LCOR: variants seen among roughly 807,000 people sequenced by gnomAD.
LCOR encodes ligand-dependent corepressor.
LCOR carries 14 observed loss-of-function variants against 64.4 expected under a neutral mutation model. The observed-to-expected ratio is 0.22, with a 90% CI of 0.14 to 0.34. The LOEUF (loss-of-function observed/expected upper bound fraction) is 0.34, where lower values mean the gene tolerates loss of function less well. Among genes scored for constraint, LCOR ranks in the 10% least tolerant of loss-of-function variants. The pLI, the probability that LCOR is intolerant of heterozygous loss-of-function variation, is 1.00. For missense variants in LCOR, 1,686 were observed against 1,765.3 expected, an observed-to-expected ratio of 0.96 and a Z score of 0.80; for synonymous variants, 643 against 642.5, an observed-to-expected ratio of 1.00 and a Z score of -0.01.
intron 2 of LCOR, among the ~76,000 whole-genome samples, chr10:96,900,262 A>G (rs532234781): frequency 8.5e-5 from 13 of 152,228 alleles, no homozygotes; most frequent in African/African-American, 3.1e-4. Context: ...ATTCCATTGT[A>G]TGGATATACC....
chr10:96,952,858 G>C (rs1847705205), intron 7 of LCOR, among the ~76,000 whole-genome samples: 2 of 152,112 alleles, frequency 1.3e-5, no homozygotes, highest in South Asian at 4.1e-4. Context: ...AAGACATTTA[G>C]ATACCATGTT....
At chr10:96,952,917 T>C (rs1446869361) in intron 7 of LCOR, among the ~76,000 whole-genome samples, 1 of 152,178 alleles carries the variant, frequency 6.6e-6, no homozygotes, top group African/African-American at 2.4e-5. Flanking sequence ...ACTTTAGATA[T>C]GAAAAATAAC....
intron 2 of LCOR, among the ~76,000 whole-genome samples, chr10:96,861,385 G>A (rs1016409533): frequency 3.3e-5 from 5 of 152,112 alleles, no homozygotes; most frequent in African/African-American, 1.2e-4. Flanking sequence ...GTGTGAGTGT[G>A]GGAAAACAAA....
chr10:96,950,555 A>G (rs984189496), intron 6 of LCOR, among the ~76,000 whole-genome samples: 1 of 152,158 alleles, frequency 6.6e-6, no homozygotes, highest in Admixed American at 6.5e-5. Context: ...GGAGGTTAAC[A>G]TAAAATGATA....
At position 96,991,766 on chromosome 10, in the gene LCOR, C is replaced by G. The variant is rs1446811480; in HGVS notation, c.*6632C>G. The G allele has an allele frequency of 6.6e-6, 1 of 152,224 alleles. No homozygotes were observed. Among genetic ancestry groups the G allele is most frequent in the Non-Finnish European group, 1.5e-5 (1 of 68,050 alleles). 9.4% of individuals were successfully genotyped at this position (152,224 alleles called of 1,614,324 possible). ...CAGGGCTCTCCAGCCCAGCCCGAGT[C>G]ACTGCTCGTTCTGAGGAGCCATCCT... On this transcript the variant is annotated 3_prime_UTR_variant, in exon 8 of 8. Transcript: ENST00000421806.
At chr10:96,918,978 T>C (rs976155600) in intron 4 of LCOR, among the ~76,000 whole-genome samples, 6 of 152,382 alleles carry the variant, frequency 3.9e-5, no homozygotes, top group Admixed American at 2.6e-4. Flanking sequence ...TAAGATTTCG[T>C]TATCTCTAGC....
chr10:96,922,336 ATAT>A (rs1375236170), intron 4 of LCOR, among the ~76,000 whole-genome samples: 1 of 152,208 alleles, frequency 6.6e-6, no homozygotes, highest in Non-Finnish European at 1.5e-5. Context: ...TTGGCCACAG[ATAT>A]TATTTTCAAG....
At chr10:96,914,705 T>A (rs1026870181) in intron 4 of LCOR, among the ~76,000 whole-genome samples, 1 of 152,238 alleles carries the variant, frequency 6.6e-6, no homozygotes, top group African/African-American at 2.4e-5. Flanking sequence ...GAATGAAGTC[T>A]TTATCTAATG....
Position 96,991,302 on chromosome 10 carries a change from A to T in LCOR, c.*6168A>T, listed in dbSNP as rs1244445898. 1 of 152,208 alleles carries T rather than the reference A, an allele frequency of 6.6e-6. No homozygotes were observed. Among genetic ancestry groups the T allele is most frequent in the East Asian group, 1.9e-4 (1 of 5,196 alleles). 9.4% of individuals were successfully genotyped at this position (152,208 alleles called of 1,614,324 possible). Reference sequence around the variant, plus strand: ...TAATGCTTTTGCGTTAAGAAAAATTATCCCCCTTTGCCAGTTGTCTACTTG... The same window carrying T: ...TAATGCTTTTGCGTTAAGAAAAATTTTCCCCCTTTGCCAGTTGTCTACTTG... On this transcript the variant is annotated 3_prime_UTR_variant, in exon 8 of 8. Transcript: ENST00000421806.
In LCOR at chr10:96,983,742, A is replaced by G; in HGVS notation, c.3282A>G (p.Glu1094=). The G allele has an allele frequency of 6.2e-7, 1 of 1,614,228 alleles. No individual in the cohort carries two copies. Among genetic ancestry groups the G allele is most frequent in the East Asian group, 2.2e-5 (1 of 44,890 alleles). Residue 1094 remains glutamate, a synonymous_variant, in exon 8 of 8, where the codon GAA becomes GAG. Coordinates refer to ENST00000421806, the MANE Select transcript of LCOR (RefSeq NM_001346516.2). The surrounding 1 kb of genome is among the most constrained non-coding windows in gnomAD (Gnocchi z 4.5). The stretch of plus-strand genomic sequence containing the variant: ...ACGATGTTGACACCGTGGTAGATGA[A>G]CAGCCAAAGTTTATGGAATGGTGTG... ...DEDDVDTVVD[E]QPKFMEWCAE...
At chr10:96,917,011 G>A (rs1846963403) in intron 4 of LCOR, among the ~76,000 whole-genome samples, 2 of 152,208 alleles carry the variant, frequency 1.3e-5, no homozygotes, top group Non-Finnish European at 2.9e-5. Flanking sequence ...CTAAATTGCT[G>A]GGTCTAACCT....
intron 2 of LCOR, among the ~76,000 whole-genome samples, chr10:96,874,897 A>C (rs1361776902): frequency 6.6e-6 from 1 of 151,914 alleles, no homozygotes; most frequent in Admixed American, 6.6e-5. Flanking sequence ...CAGCCTCTTA[A>C]AGTGCTGAGA....
At chr10:96,879,985 G>C (rs1484195303) in intron 2 of LCOR, among the ~76,000 whole-genome samples, 1 of 152,304 alleles carries the variant, frequency 6.6e-6, no homozygotes, top group South Asian at 2.1e-4. Flanking sequence ...TTATGATTCT[G>C]TTTGCATGTC....
chr10:96,981,212 C>T lies in LCOR; in HGVS notation c.752C>T (p.Pro251Leu). The part of the protein sequence containing the change: ...TVVQKDSSEL[P>L]TTKSNSINSS... The stretch of plus-strand genomic sequence containing the variant: ...GTCCAGAAAGATTCCTCTGAACTTC[C>T]AACCACTAAATCGAATTCTATTAAT... The change falls in exon 8 of 8, where the codon CCA becomes CTA. Residue 251 changes from proline to leucine, a missense_variant. Transcript: ENST00000421806. 1.3e-6 allele frequency: 1 copy of T among 780,934 alleles called. No individual in the cohort carries two copies. The highest frequency in any genetic ancestry group is 2.2e-6 in the Non-Finnish European group (1 of 455,448). 48.4% of individuals were successfully genotyped at this position (780,934 alleles called of 1,614,324 possible).
rs1848237979 is a variant in LCOR at position 96,995,847 on chromosome 10, G to T, written c.*10713G>T. 6.6e-6 allele frequency: 1 copy of T among 152,232 alleles called. No homozygotes were observed. Among genetic ancestry groups the T allele is most frequent in the African/African-American group, 2.4e-5 (1 of 41,456 alleles). 9.4% of individuals were successfully genotyped at this position (152,232 alleles called of 1,614,324 possible). ...CTTGTTTGGTTTTGAAGGATGCGGT[G>T]TGGAGCCAGAGGATGTGTGGGAGGG... On this transcript the variant is annotated 3_prime_UTR_variant, in exon 8 of 8. Coordinates refer to ENST00000421806, the MANE Select transcript of LCOR (RefSeq NM_001346516.2). This position sits in a 1 kb window ranked among gnomAD's most constrained non-coding sequence, Gnocchi z 4.2.
At chr10:96,920,031 T>C (rs1847020399) in intron 4 of LCOR, among the ~76,000 whole-genome samples, 1 of 152,196 alleles carries the variant, frequency 6.6e-6, no homozygotes, top group African/African-American at 2.4e-5. Flanking sequence ...TGTTGGATCA[T>C]ATGGTAATCC....
chr10:96,952,630 C>T (rs934629837), intron 7 of LCOR, among the ~76,000 whole-genome samples: 10 of 151,994 alleles, frequency 6.6e-5, no homozygotes, highest in Non-Finnish European at 1.5e-4. Flanking sequence ...TGATGGAGAA[C>T]TGTACTTTGG....
chr10:96,959,725 A>G (rs1235797758), intron 7 of LCOR: 1 of 152,216 alleles, frequency 6.6e-6, no homozygotes, highest in African/African-American at 2.4e-5. Flanking sequence ...TTTGTGTATA[A>G]TACTTTTTAA....
rs893375508 is a variant in LCOR, at chr10:96,990,864, C to T, written c.*5730C>T. ...TGCCGGGTGAGCACAGACACACATA[C>T]TTTCTCCCCTAGCTGGGACCATCCC... On this transcript the variant is annotated 3_prime_UTR_variant, in exon 8 of 8. Coordinates refer to ENST00000421806, the MANE Select transcript of LCOR (RefSeq NM_001346516.2). 3 of 152,126 alleles carry T rather than the reference C, an allele frequency of 2.0e-5. No homozygotes were observed. Among genetic ancestry groups the T allele is most frequent in the Non-Finnish European group, 4.4e-5 (3 of 68,052 alleles). The allele number at this position is 152,126 out of a possible 1,614,324, so 9.4% of individuals were successfully genotyped here.
Sources: gnomAD v4.1 joint callset for allele counts (sites outside exome capture counted in the v4.1 genomes callset) on GRCh38, gnomAD v4.1.1 for gene constraint, Gnocchi (gnomAD v3.1) non-coding constraint, MANE v1.5 for transcripts, NCBI Gene and HGNC (gene_info 2026-07-23, HGNC 2026-07-21) for gene names.